The following RBBP8 variants were observed in gnomAD, a reference collection of about 807,000 sequenced individuals.
RBBP8 encodes the protein RB binding protein 8, endonuclease.
Under a neutral mutation model 108.3 loss-of-function variants are expected in RBBP8, and 88 were observed. The ratio of observed to expected loss-of-function variants is 0.81; its 90% CI spans 0.68 to 0.97. RBBP8 has a LOEUF of 0.97. Ranked by LOEUF, RBBP8 falls within the 50% of genes least tolerant of loss-of-function variation. The pLI is 0.00. For synonymous variants in RBBP8, 332 were observed against 348.2 expected (o/e 0.95, Z 0.52); for missense variants, 1,023 against 1,049.0 (o/e 0.98, Z 0.34).
upstream of RBBP8, among the ~76,000 whole-genome samples, chr18:22,928,532 C>T (rs1391697091): frequency 6.6e-6 from 1 of 151,938 alleles, no homozygotes; most frequent in African/African-American, 2.4e-5. Context: ...AAGACACAGC[C>T]AAGGGAAGGA....
At chr18:22,918,356 ACCTAGACTATATGGTATGTCTTATTGCTT>A (rs978347365) in intron 3 of RBBP8, among the ~76,000 whole-genome samples, 1 of 152,134 alleles carries the variant, frequency 6.6e-6, no homozygotes, top group Non-Finnish European at 1.5e-5. Context: ...CCTACTACAC[ACCTAGACTATATGGTATGTCTTATTGCTT>A]CCAGGTTATA....
chr18:22,972,418 T>TC (rs2144610597), intron 5 of RBBP8, among the ~76,000 whole-genome samples: 1 of 149,318 alleles, frequency 6.7e-6, no homozygotes, highest in African/African-American at 2.4e-5. Context: ...TTTATTTCTT[T>TC]TTTTTTTTTT....
At chr18:23,000,155 A>G (rs977930145) in intron 14 of RBBP8, among the ~76,000 whole-genome samples, 7 of 152,242 alleles carry the variant, frequency 4.6e-5, no homozygotes, top group African/African-American at 1.4e-4. Flanking sequence ...TGGTAAGTCC[A>G]GGAGAAAGGT....
At chr18:23,011,923 G>A (rs2144797135) in intron 16 of RBBP8, among the ~76,000 whole-genome samples, 1 of 152,056 alleles carries the variant, frequency 6.6e-6, no homozygotes, top group East Asian at 1.9e-4. Flanking sequence ...GGCCAGTTAA[G>A]AACCCTGCAA....
chr18:22,993,676 A>T (rs754308040), intron 11 of RBBP8, 37 bp downstream of exon 11: 4 of 1,614,216 alleles, frequency 2.5e-6, no homozygotes, highest in Non-Finnish European at 3.4e-6. Flanking sequence ...GATTAAAATG[A>T]TTGCTTGTGA....
chr18:22,949,086 T>C (rs146210599), intron 3 of RBBP8, among the ~76,000 whole-genome samples: 249 of 152,230 alleles, frequency 1.6e-3, no homozygotes, highest in African/African-American at 5.6e-3. Context: ...GGAGTAGATA[T>C]TAATGTATCT....
intron 16 of RBBP8, among the ~76,000 whole-genome samples, chr18:23,014,756 C>T (rs1049206431): frequency 2.0e-5 from 3 of 152,300 alleles, no homozygotes; most frequent in African/African-American, 4.8e-5. Context: ...CCTAGGTTTC[C>T]GTGATTCACA....
intron 7 of RBBP8, among the ~76,000 whole-genome samples, chr18:22,983,184 G>T (rs1394026926): frequency 6.6e-6 from 1 of 152,104 alleles, no homozygotes; most frequent in African/African-American, 2.4e-5. Flanking sequence ...ATTACTTTTA[G>T]TATTAATCTA....
intron 2 of RBBP8, 91 bp downstream of exon 2, chr18:22,937,051 C>T (rs994857382): frequency 1.3e-6 from 2 of 1,565,290 alleles, no homozygotes; most frequent in African/African-American, 1.4e-5. Flanking sequence ...TTTATTATTT[C>T]TATTTCAGCT....
At chr18:23,008,277 TACTC>T (rs1419418605) in intron 16 of RBBP8, among the ~76,000 whole-genome samples, 1 of 152,244 alleles carries the variant, frequency 6.6e-6, no homozygotes, top group Non-Finnish European at 1.5e-5. Flanking sequence ...TAAATTGAGT[TACTC>T]AGTAAAGTTA....
At chr18:22,947,112 T>C (rs1183846126) in intron 3 of RBBP8, among the ~76,000 whole-genome samples, 1 of 152,108 alleles carries the variant, frequency 6.6e-6, no homozygotes, top group African/African-American at 2.4e-5. Flanking sequence ...AAGAAAATTC[T>C]CTTTAGCTGC....
chr18:22,959,898 GGTT>G (rs1305170881), intron 4 of RBBP8, among the ~76,000 whole-genome samples: 3 of 131,562 alleles, frequency 2.3e-5, no homozygotes, highest in Non-Finnish European at 3.2e-5. Context: ...TTTTGGTGGT[GGTT>G]GTTGTTTTGA....
intron 4 of RBBP8, chr18:22,949,959 G>A (rs1911899393): frequency 2.5e-6 from 1 of 403,786 alleles, no homozygotes; most frequent in Admixed American, 4.0e-5. Context: ...AAGCTCAAGG[G>A]TAGCAATGTT....
At chr18:22,982,787 T>C (rs190833159) in intron 7 of RBBP8, among the ~76,000 whole-genome samples, 3 of 152,350 alleles carry the variant, frequency 2.0e-5, no homozygotes, top group Admixed American at 2.0e-4. Flanking sequence ...TATGTTTTAA[T>C]TCTCGTAACA....
At chr18:22,956,236 A>G (rs1912529261) in intron 4 of RBBP8, among the ~76,000 whole-genome samples, 1 of 152,176 alleles carries the variant, frequency 6.6e-6, no homozygotes, top group African/African-American at 2.4e-5. Context: ...GATTATCTAG[A>G]GTAAGCTTTA....
rs149476399 is a variant in RBBP8 at position 22,996,277 on chromosome 18, G to T, written c.1940-97G>T. On this transcript the variant is annotated intron_variant, in intron 12 of 18. Coordinates refer to ENST00000327155, the MANE Select transcript of RBBP8 (RefSeq NM_002894.3). ...AAGTCCTTTACCAGACATATGATTT[G>T]CAAAAATTTTCTATTCTTTAGGTCC... 2.4e-3 allele frequency: 3,665 copies of T among 1,536,458 alleles called. 55 individuals are homozygous for T. In the South Asian group the frequency reaches 0.025, roughly 10 times the overall value.
At chr18:22,956,738 G>T (rs930786045) in intron 4 of RBBP8, among the ~76,000 whole-genome samples, 1 of 152,224 alleles carries the variant, frequency 6.6e-6, no homozygotes, top group South Asian at 2.1e-4. Context: ...TCAATGAAGG[G>T]AATTACCTAG....
intron 12 of RBBP8, 118 bp downstream of exon 12, chr18:22,993,965 G>A (rs2045799362): frequency 3.1e-6 from 3 of 960,132 alleles, no homozygotes; most frequent in Non-Finnish European, 4.6e-6. Flanking sequence ...TCCTTCAGGT[G>A]TCTGTATTTA....
intron 16 of RBBP8, among the ~76,000 whole-genome samples, chr18:23,013,306 G>A (rs1197559057): frequency 2.0e-5 from 3 of 152,160 alleles, no homozygotes; most frequent in African/African-American, 7.2e-5. Flanking sequence ...AGGGAGCTGG[G>A]AACGGGGAAT....
Sources: gnomAD v4.1 joint callset for allele counts (sites outside exome capture counted in the v4.1 genomes callset) on GRCh38, gnomAD v4.1.1 for gene constraint, MANE v1.5 for transcripts, NCBI Gene and HGNC (gene_info 2026-07-23, HGNC 2026-07-21) for gene names.